CCDC177: variants seen among roughly 807,000 people sequenced by gnomAD.
CCDC177 encodes the protein coiled-coil domain containing 177.
A neutral mutation model predicts 7.3 loss-of-function variants in CCDC177; 2 were observed. That is an observed-to-expected ratio of 0.28 (90% CI 0.11 to 0.87). The LOEUF is 0.87. Among genes scored for constraint, CCDC177 ranks in the 40% least tolerant of loss-of-function variants. The pLI is 0.61. For missense variants in CCDC177, 874 were observed against 970.5 expected (o/e 0.90, Z 1.32); for synonymous variants, 401 against 449.2 (o/e 0.89, Z 1.36).
At position 69,571,545 on chromosome 14, in the gene CCDC177, C is replaced by T. The variant is rs563693885; in HGVS notation, c.2078G>A (p.Arg693His). ...GTGTAGCTGGGCCTCCCGCACCATG[C>T]GGTCGAAGGATCGCGTGTTGGTCTC... is the stretch of plus-strand genomic sequence containing the variant. ...REETNTRSFD[R>H]MVREAQLHAS... is the part of the protein sequence containing the mutation. The change falls in exon 2 of 2, where the codon CGC becomes CAC. Residue 693 changes from arginine (R) to histidine (H), a missense_variant. Physicochemically the swap from Arg to His is conservative, Grantham distance 29. Transcript: ENST00000599174. The T allele has an allele frequency of 1.5e-5, 18 of 1,238,244 alleles. No individual in the cohort carries two copies. The highest frequency in any genetic ancestry group is 1.8e-5 in the Non-Finnish European group (18 of 991,426). 76.7% of individuals were successfully genotyped at this position (1,238,244 alleles called of 1,614,324 possible). A position where few individuals can be genotyped will look rare whatever the true frequency, so the allele number is the denominator to read the frequency against.
In CCDC177 at chr14:69,571,535, C is replaced by T. The variant is rs1204531098; in HGVS notation, c.2088G>A (p.Arg696=). 1 of 1,240,560 alleles carries T rather than the reference C, an allele frequency of 8.1e-7. No individual in the cohort carries two copies. Among genetic ancestry groups the T allele is most frequent in the Non-Finnish European group, 1.0e-6 (1 of 992,498 alleles). 76.8% of individuals were successfully genotyped at this position (1,240,560 alleles called of 1,614,324 possible). A position where few individuals can be genotyped will look rare whatever the true frequency, so the allele number is the denominator to read the frequency against. The change falls in exon 2 of 2, where the codon CGG becomes CGA. Residue 696 remains arginine, a synonymous_variant. Transcript: ENST00000599174. ...CCAGGCTGGCGTGTAGCTGGGCCTC[C>T]CGCACCATGCGGTCGAAGGATCGCG... is the stretch of plus-strand genomic sequence containing the variant. ...TNTRSFDRMV[R]EAQLHASLDR... is the part of the protein sequence containing the mutation.
chr14:69,571,804 C>A lies in CCDC177; in HGVS notation c.1819G>T (p.Val607Leu), dbSNP rs1371198057. 8.1e-7 allele frequency: 1 copy of A among 1,231,702 alleles called. No individual in the cohort carries two copies. Among genetic ancestry groups the A allele is most frequent in the Non-Finnish European group, 1.0e-6 (1 of 987,974 alleles). 76.3% of individuals were successfully genotyped at this position (1,231,702 alleles called of 1,614,324 possible). Residue 607 changes from valine (V) to leucine (L), a missense_variant, in exon 2 of 2, where the codon GTG becomes TTG. Physicochemically the swap from Val to Leu is conservative, Grantham distance 32. Transcript: ENST00000599174. ...CCCACGCGCCGCGCCTTCTGCTGCACTGCTTCCTCGGCCACCTGCGTCGCG... is the reference window on the plus strand; with the variant it reads ...CCCACGCGCCGCGCCTTCTGCTGCAATGCTTCCTCGGCCACCTGCGTCGCG... Reference protein sequence around the residue: ...QHATQVAEEAVQQKARRVGQS... With the variant: ...QHATQVAEEALQQKARRVGQS...
At chr14:69,574,192 A>C (rs1201287793) in intron 1 of CCDC177, among the ~76,000 whole-genome samples, 4 of 152,178 alleles carry the variant, frequency 2.6e-5, no homozygotes, top group African/African-American at 9.6e-5. Context: ...CGGGTGATTA[A>C]AGGGCTGGGA....
At position 69,572,299 on chromosome 14, in the gene CCDC177, G is replaced by T. The variant is rs1190066283; in HGVS notation, c.1324C>A (p.Arg442=). 3 of 1,227,920 alleles carry T rather than the reference G, an allele frequency of 2.4e-6. No individual in the cohort carries two copies. Among genetic ancestry groups the T allele is most frequent in the Non-Finnish European group, 3.0e-6 (3 of 985,640 alleles). 76.1% of individuals were successfully genotyped at this position (1,227,920 alleles called of 1,614,324 possible). The part of the protein sequence containing the change: ...AERQGLLRRE[R]AERAAREDRL... ...TCCTCCCGGGCCGCGCGCTCCGCCC[G>T]CTCCCGCCGCAGGAGGCCCTGGCGT... is the stretch of plus-strand genomic sequence containing the variant. Residue 442 remains arginine, a synonymous_variant, in exon 2 of 2, where the codon CGG becomes AGG. Coordinates refer to ENST00000599174, the MANE Select transcript of CCDC177 (RefSeq NM_001271507.2).
At position 69,570,792 on chromosome 14, in the gene CCDC177, C is replaced by T. The variant is rs1884307180; in HGVS notation, c.*707G>A. On this transcript the variant is annotated 3_prime_UTR_variant, in exon 2 of 2. Coordinates refer to ENST00000599174, the MANE Select transcript of CCDC177 (RefSeq NM_001271507.2). ...CACCAAACCAACCAATTTCCTGTGCCACTTGGTAGAATGAGGGAGGGGGCA... is the reference window on the plus strand; with the variant it reads ...CACCAAACCAACCAATTTCCTGTGCTACTTGGTAGAATGAGGGAGGGGGCA... The T allele has an allele frequency of 2.2e-6, 1 of 457,438 alleles. No homozygotes were observed. The highest frequency in any genetic ancestry group is 2.0e-5 in the African/African-American group (1 of 50,062). The allele number at this position is 457,438 out of a possible 1,614,324, so 28.3% of individuals were successfully genotyped here. A position where few individuals can be genotyped will look rare whatever the true frequency, so the allele number is the denominator to read the frequency against.
Position 69,572,785 on chromosome 14 carries a change from C to T in CCDC177, c.838G>A (p.Ala280Thr), listed in dbSNP as rs1443488260. 1 of 1,231,550 alleles carries T rather than the reference C, an allele frequency of 8.1e-7. No homozygotes were observed. The allele number at this position is 1,231,550 out of a possible 1,614,324, so 76.3% of individuals were successfully genotyped here. ...SARNSCPAGSASSTTNAPGRP... is the reference protein window; with the variant it reads ...SARNSCPAGSTSSTTNAPGRP... ...CCCGGAGCGTTGGTGGTGGAGGACG[C>T]CGACCCCGCTGGGCAGCTGTTCCTG... Residue 280 changes from alanine to threonine, a missense_variant, in exon 2 of 2, where the codon GCG becomes ACG. By Grantham distance (58) the Ala-to-Thr change is moderately conservative. Transcript: ENST00000599174.
chr14:69,572,264 G>A lies in CCDC177; in HGVS notation c.1359C>T (p.Arg453=). 8.1e-7 allele frequency: 1 copy of A among 1,229,244 alleles called. No individual in the cohort carries two copies. The highest frequency in any genetic ancestry group is 1.0e-6 in the Non-Finnish European group (1 of 986,464). The allele number at this position is 1,229,244 out of a possible 1,614,324, so 76.1% of individuals were successfully genotyped here. A position where few individuals can be genotyped will look rare whatever the true frequency, so the allele number is the denominator to read the frequency against. The change falls in exon 2 of 2, where the codon CGC becomes CGT. Residue 453 remains arginine (R), a synonymous_variant. Transcript: ENST00000599174. ...AERAAREDRL[R]KLQQEQNLKQ... is the part of the protein sequence containing the mutation. ...TCAGGTTCTGCTCCTGCTGAAGCTTGCGCAGCCGATCCTCCCGGGCCGCGC... is the reference window on the plus strand; with the variant it reads ...TCAGGTTCTGCTCCTGCTGAAGCTTACGCAGCCGATCCTCCCGGGCCGCGC...
Position 69,571,853 on chromosome 14 carries a change from C to T in CCDC177, c.1770G>A (p.Arg590=). Residue 590 remains arginine, a synonymous_variant, in exon 2 of 2, where the codon CGG becomes CGA. Coordinates refer to ENST00000599174, the MANE Select transcript of CCDC177 (RefSeq NM_001271507.2). ...CGTGCTGCAGCCGTCGCTCCCCCGC[C>T]CGGGCCAGCGCCTCCAGGTGCGCCT... ...EHQAHLEALA[R]AGERRLQHAT... is the part of the protein sequence containing the mutation. 1 of 1,231,694 alleles carries T rather than the reference C, an allele frequency of 8.1e-7. No individual in the cohort carries two copies. Among genetic ancestry groups the T allele is most frequent in the East Asian group, 3.2e-5 (1 of 31,674 alleles). 76.3% of individuals were successfully genotyped at this position (1,231,694 alleles called of 1,614,324 possible).
chr14:69,572,844 A>G lies in CCDC177; in HGVS notation c.779T>C (p.Leu260Ser), dbSNP rs1412154529. Residue 260 changes from leucine to serine, a missense_variant, in exon 2 of 2, where the codon TTG (leucine) becomes TCG (serine). Physicochemically the swap from Leu to Ser is moderately radical, Grantham distance 145. Transcript: ENST00000599174. ...ASSSSYSGES[L>S]RELRWPPRAS... The stretch of plus-strand genomic sequence containing the variant: ...CCGAGGCGGCCAGCGCAGCTCCCTC[A>G]AGCTTTCCCCACTGTAGGATGACGA... 2 of 1,230,616 alleles carry G rather than the reference A, an allele frequency of 1.6e-6. No homozygotes were observed. The highest frequency in any genetic ancestry group is 8.5e-5 in the Admixed American group (2 of 23,654). The allele number at this position is 1,230,616 out of a possible 1,614,324, so 76.2% of individuals were successfully genotyped here. A position where few individuals can be genotyped will look rare whatever the true frequency, so the allele number is the denominator to read the frequency against.
In CCDC177 at chr14:69,572,256, T is replaced by A. The variant is rs1351773477; in HGVS notation, c.1367A>T (p.Gln456Leu). The A allele has an allele frequency of 2.4e-6, 3 of 1,228,974 alleles. No individual in the cohort carries two copies. The highest frequency in any genetic ancestry group is 3.0e-6 in the Non-Finnish European group (3 of 986,382). 76.1% of individuals were successfully genotyped at this position (1,228,974 alleles called of 1,614,324 possible). ...ACGTTGCTTCAGGTTCTGCTCCTGCTGAAGCTTGCGCAGCCGATCCTCCCG... is the reference window on the plus strand; with the variant it reads ...ACGTTGCTTCAGGTTCTGCTCCTGCAGAAGCTTGCGCAGCCGATCCTCCCG... ...AAREDRLRKL[Q>L]QEQNLKQREE... Residue 456 changes from glutamine to leucine, a missense_variant, in exon 2 of 2, where the codon CAG becomes CTG. Transcript: ENST00000599174.
chr14:69,571,850 C>G lies in CCDC177; in HGVS notation c.1773G>C (p.Ala591=), dbSNP rs372184432. 3.5e-4 allele frequency: 427 copies of G among 1,231,670 alleles called. 3 individuals carry two copies. The South Asian group carries it at 0.011, about 31-fold the overall frequency. 76.3% of individuals were successfully genotyped at this position (1,231,670 alleles called of 1,614,324 possible). A position where few individuals can be genotyped will look rare whatever the true frequency, so the allele number is the denominator to read the frequency against. Residue 591 remains alanine, a synonymous_variant, in exon 2 of 2, where the codon GCG becomes GCC. Transcript: ENST00000599174. ...HQAHLEALAR[A]GERRLQHATQ... Reference sequence around the variant, plus strand: ...TCGCGTGCTGCAGCCGTCGCTCCCCCGCCCGGGCCAGCGCCTCCAGGTGCG... The same window carrying G: ...TCGCGTGCTGCAGCCGTCGCTCCCCGGCCCGGGCCAGCGCCTCCAGGTGCG...
rs1453083436 is a variant in CCDC177, at chr14:69,572,288, G to A, written c.1335C>T (p.Arg445=). 8.1e-7 allele frequency: 1 copy of A among 1,227,738 alleles called. No individual in the cohort carries two copies. Among genetic ancestry groups the A allele is most frequent in the African/African-American group, 1.6e-5 (1 of 64,016 alleles). 76.1% of individuals were successfully genotyped at this position (1,227,738 alleles called of 1,614,324 possible). The change falls in exon 2 of 2, where the codon CGC becomes CGT. Residue 445 remains arginine, a synonymous_variant. Transcript: ENST00000599174. ...QGLLRRERAE[R]AAREDRLRKL... ...TGCGCAGCCGATCCTCCCGGGCCGC[G>A]CGCTCCGCCCGCTCCCGCCGCAGGA...
In CCDC177 at chr14:69,572,611, C is replaced by T. The variant is rs1884353545; in HGVS notation, c.1012G>A (p.Asp338Asn). The T allele has an allele frequency of 1.6e-6, 2 of 1,231,280 alleles. No individual in the cohort carries two copies. The highest frequency in any genetic ancestry group is 1.0e-6 in the Non-Finnish European group (1 of 987,616). The allele number at this position is 1,231,280 out of a possible 1,614,324, so 76.3% of individuals were successfully genotyped here. The part of the protein sequence containing the change: ...ERGLRGVPER[D>N]RKIAALMLAR... ...AGCATGAGCGCCGCGATCTTCCGGTCACGCTCCGGCACCCCGCGCAGGCCG... is the reference window on the plus strand; with the variant it reads ...AGCATGAGCGCCGCGATCTTCCGGTTACGCTCCGGCACCCCGCGCAGGCCG... Residue 338 changes from aspartate to asparagine, a missense_variant, in exon 2 of 2, where the codon GAC becomes AAC. Physicochemically the swap from Asp to Asn is conservative, Grantham distance 23 (BLOSUM62 1). Transcript: ENST00000599174.
At position 69,573,666 on chromosome 14, in the gene CCDC177, A is replaced by T; in HGVS notation, c.-28-16T>A. The T allele has an allele frequency of 8.1e-7, 1 of 1,231,742 alleles. No homozygotes were observed. The highest frequency in any genetic ancestry group is 3.2e-5 in the East Asian group (1 of 31,706). The allele number at this position is 1,231,742 out of a possible 1,614,324, so 76.3% of individuals were successfully genotyped here. A position where few individuals can be genotyped will look rare whatever the true frequency, so the allele number is the denominator to read the frequency against. ...GTTGGAATCTCTGCAGATCACAAGGAGGGACATCGAGGAATACGTCTGAGA... is the reference window on the plus strand; with the variant it reads ...GTTGGAATCTCTGCAGATCACAAGGTGGGACATCGAGGAATACGTCTGAGA... On this transcript the variant is annotated splice_polypyrimidine_tract_variant and intron_variant, in intron 1 of 1. Coordinates refer to ENST00000599174, the MANE Select transcript of CCDC177 (RefSeq NM_001271507.2).
rs2139564316 is a variant in CCDC177 at position 69,572,240 on chromosome 14, C to G, written c.1383G>C (p.Leu461=). The part of the protein sequence containing the change: ...RLRKLQQEQN[L]KQREEGLQEG... Reference sequence around the variant, plus strand: ...CCTGTAGACCTTCCTCACGTTGCTTCAGGTTCTGCTCCTGCTGAAGCTTGC... The same window carrying G: ...CCTGTAGACCTTCCTCACGTTGCTTGAGGTTCTGCTCCTGCTGAAGCTTGC... Residue 461 remains leucine, a synonymous_variant, in exon 2 of 2, where the codon CTG becomes CTC. Coordinates refer to ENST00000599174, the MANE Select transcript of CCDC177 (RefSeq NM_001271507.2). 8.1e-7 allele frequency: 1 copy of G among 1,229,760 alleles called. No homozygotes were observed. The highest frequency in any genetic ancestry group is 3.2e-5 in the East Asian group (1 of 31,578). 76.2% of individuals were successfully genotyped at this position (1,229,760 alleles called of 1,614,324 possible). A position where few individuals can be genotyped will look rare whatever the true frequency, so the allele number is the denominator to read the frequency against.
Position 69,572,338 on chromosome 14 carries a change from G to T in CCDC177, c.1285C>A (p.Arg429=), listed in dbSNP as rs1884344415. 6 of 1,225,410 alleles carry T rather than the reference G, an allele frequency of 4.9e-6. No homozygotes were observed. Among genetic ancestry groups the T allele is most frequent in the Non-Finnish European group, 6.1e-6 (6 of 984,156 alleles). The allele number at this position is 1,225,410 out of a possible 1,614,324, so 75.9% of individuals were successfully genotyped here. A position where few individuals can be genotyped will look rare whatever the true frequency, so the allele number is the denominator to read the frequency against. ...AGGCCCTGGCGTTCGGCCAGCTCCC[G>T]CCGCCGCTCCTCGCTGCGCTCGTAC... The part of the protein sequence containing the change: ...RQYERSEERR[R]ELAERQGLLR... Residue 429 remains arginine (R), a synonymous_variant, in exon 2 of 2, where the codon CGG becomes AGG. Transcript: ENST00000599174.
At chr14:69,573,735 A>C in intron 1 of CCDC177, 85 bp from the exon 2 acceptor site, 1 of 1,156,090 alleles carries the variant, frequency 8.6e-7, no homozygotes, top group Non-Finnish European at 1.1e-6. Context: ...TCCCAACTTA[A>C]TCCGCTTTCG....
In CCDC177 at chr14:69,572,116, C is replaced by T; in HGVS notation, c.1507G>A (p.Glu503Lys). The change falls in exon 2 of 2, where the codon GAG (glutamate) becomes AAG (lysine). Residue 503 changes from glutamate (E) to lysine (K), a missense_variant. By Grantham distance (56) the Glu-to-Lys change is moderately conservative (BLOSUM62 1). Transcript: ENST00000599174. Reference sequence around the variant, plus strand: ...CGCGCCCGCTCGGCCCGGCTCAGCTCCCGCTTCTCCCGCTGCAGCTGGCCC... The same window carrying T: ...CGCGCCCGCTCGGCCCGGCTCAGCTTCCGCTTCTCCCGCTGCAGCTGGCCC... ...QEGQLQREKR[E>K]LSRAERARHE... 2 of 1,231,128 alleles carry T rather than the reference C, an allele frequency of 1.6e-6. No homozygotes were observed. The highest frequency in any genetic ancestry group is 8.2e-5 in the South Asian group (2 of 24,322). 76.3% of individuals were successfully genotyped at this position (1,231,128 alleles called of 1,614,324 possible). A position where few individuals can be genotyped will look rare whatever the true frequency, so the allele number is the denominator to read the frequency against.
rs1884360333 is a variant in CCDC177, at chr14:69,572,840, C to T, written c.783G>A (p.Arg261=). The change falls in exon 2 of 2, where the codon AGG becomes AGA. Residue 261 remains arginine (R), a synonymous_variant. Transcript: ENST00000599174. ...AGGCCCGAGGCGGCCAGCGCAGCTC[C>T]CTCAAGCTTTCCCCACTGTAGGATG... ...SSSSYSGESL[R]ELRWPPRASA... The T allele has an allele frequency of 5.7e-6, 7 of 1,231,010 alleles. No individual in the cohort carries two copies. Among genetic ancestry groups the T allele is most frequent in the Non-Finnish European group, 7.1e-6 (7 of 987,518 alleles). 76.3% of individuals were successfully genotyped at this position (1,231,010 alleles called of 1,614,324 possible).
Sources: allele counts gnomAD v4.1 joint callset (sites outside exome capture counted in the v4.1 genomes callset), GRCh38; gene constraint gnomAD v4.1.1; transcripts MANE v1.5; gene names NCBI Gene and HGNC (gene_info 2026-07-23, HGNC 2026-07-21).